CDKN2B-AS1: variants seen among roughly 807,000 people sequenced by gnomAD.
CDKN2B-AS1 encodes CDKN2B antisense RNA 1 (non-protein coding).
intron 4 of CDKN2B-AS1, among the ~76,000 whole-genome samples, chr9:22,058,134 C>T (rs1203108095): frequency 6.6e-6 from 1 of 152,068 alleles, no homozygotes; most frequent in Non-Finnish European, 1.5e-5. Flanking sequence ...GCAGAGGCTA[C>T]AGTGAGCCGA....
chr9:22,126,229 T>C (rs1203990138), intron 4 of CDKN2B-AS1, among the ~76,000 whole-genome samples: 1 of 152,184 alleles, frequency 6.6e-6, no homozygotes, highest in East Asian at 1.9e-4. Context: ...CCAACCTATG[T>C]TTTTCCAGGG....
At chr9:22,011,435 A>G (rs1233588879) in intron 1 of CDKN2B-AS1, among the ~76,000 whole-genome samples, 1 of 152,194 alleles carries the variant, frequency 6.6e-6, no homozygotes, top group Non-Finnish European at 1.5e-5. Flanking sequence ...CCTCTGTGGC[A>G]TGTGTCCATA....
exon 3 of CDKN2B-AS1, chr9:22,049,175 G>A (rs928928327): frequency 1.3e-4 from 20 of 152,084 alleles, no homozygotes; most frequent in African/African-American, 3.9e-4. Context: ...GAAGAAAACC[G>A]GGGAGATCTA....
At chr9:22,056,422 A>T (rs762022957) in intron 4 of CDKN2B-AS1, 1 of 151,872 alleles carries the variant, frequency 6.6e-6, no homozygotes, top group African/African-American at 2.4e-5. Flanking sequence ...GAATAATAGG[A>T]GCAAAAGCAC....
At chr9:22,065,508 AACTGAG>A (rs1161957077) in intron 4 of CDKN2B-AS1, among the ~76,000 whole-genome samples, 4 of 152,226 alleles carry the variant, frequency 2.6e-5, no homozygotes, top group African/African-American at 9.6e-5. Flanking sequence ...TTTGAAATGT[AACTGAG>A]ACTGTACTTG....
chr9:22,127,494 A>G (rs554598023), exon 5 of CDKN2B-AS1, among the ~76,000 whole-genome samples: 131 of 152,336 alleles, frequency 8.6e-4, no homozygotes, highest in African/African-American at 3.1e-3. Context: ...GTGAATTAGA[A>G]CGATAGTGAG....
At chr9:22,036,136 A>C (rs1172640832) in intron 1 of CDKN2B-AS1, among the ~76,000 whole-genome samples, 1 of 152,152 alleles carries the variant, frequency 6.6e-6, no homozygotes. Context: ...TTAGGCTGAT[A>C]CAGGGCAGGG....
At chr9:22,097,108 A>G (rs951029896) in intron 4 of CDKN2B-AS1, 2 of 152,218 alleles carry the variant, frequency 1.3e-5, no homozygotes, top group South Asian at 2.1e-4. Context: ...TCACCAGCCC[A>G]TTCTTAATCT....
rs575391601 is a variant in CDKN2B-AS1, at chr9:22,043,636, A to G, written n.30-3115A>G. 3.3e-5 allele frequency among the ~76,000 whole-genome samples: 5 copies of G among 152,048 alleles called. No individual in the cohort carries two copies. The East Asian group carries it at 9.7e-4, about 29-fold the overall frequency. Reference sequence around the variant, plus strand: ...TACGCTTTATTTCATTGTTTTCCAAACTTTAGTTATTTATGTGCCATCTTC... The same window carrying G: ...TACGCTTTATTTCATTGTTTTCCAAGCTTTAGTTATTTATGTGCCATCTTC... On this transcript the variant is annotated intron_variant and non_coding_transcript_variant, in intron 1 of 4. Coordinates refer to ENST00000650946, the Ensembl canonical transcript of CDKN2B-AS1.
intron 4 of CDKN2B-AS1, among the ~76,000 whole-genome samples, chr9:22,126,307 G>A (rs957536830): frequency 1.3e-5 from 2 of 152,088 alleles, no homozygotes. Context: ...TGTGATAGTC[G>A]TTTCCTCTGG....
chr9:22,088,528 A>G (rs1824944330), intron 4 of CDKN2B-AS1, among the ~76,000 whole-genome samples: 1 of 152,134 alleles, frequency 6.6e-6, no homozygotes, highest in Admixed American at 6.5e-5. Context: ...CATTCTGTAT[A>G]TTTTACATGT....
chr9:22,037,780 T>C (rs945054080), intron 1 of CDKN2B-AS1, among the ~76,000 whole-genome samples: 1 of 152,044 alleles, frequency 6.6e-6, no homozygotes, highest in Admixed American at 6.6e-5. Flanking sequence ...TTTGGATTAA[T>C]TTACCTCATT....
chr9:22,003,889 A>ATTT lies in CDKN2B-AS1; in HGVS notation n.29+8728_29+8729insTTT, dbSNP rs1357103501. The ATTT allele has an allele frequency of 6.0e-5, 14 of 231,706 alleles. No individual in the cohort carries two copies. The East Asian group carries it at 7.6e-4, about 13-fold the overall frequency. The allele number at this position is 231,706 out of a possible 1,614,324, so 14.4% of individuals were successfully genotyped here. ...CATTGTGTATTTCTGCTTTTTTTTA[A>ATTT]AAAAAGTTATCTTCATGTGTATCAT... On this transcript the variant is annotated intron_variant and non_coding_transcript_variant, in intron 1 of 4. Transcript: ENST00000650946.
intron 4 of CDKN2B-AS1, among the ~76,000 whole-genome samples, chr9:22,075,374 A>C (rs1824455181): frequency 6.6e-6 from 1 of 152,080 alleles, no homozygotes; most frequent in African/African-American, 2.4e-5. Context: ...GGTGATGAAT[A>C]TGAAAGAAAG....
intron 1 of CDKN2B-AS1, chr9:22,008,836 G>C (rs762444993): frequency 1.2e-6 from 2 of 1,609,034 alleles, no homozygotes; most frequent in South Asian, 2.2e-5. Flanking sequence ...ACTCCGTTGG[G>C]ATCCGCGCCG....
chr9:22,011,311 G>A (rs1821496526), intron 1 of CDKN2B-AS1, among the ~76,000 whole-genome samples: 1 of 152,164 alleles, frequency 6.6e-6, no homozygotes, highest in African/African-American at 2.4e-5. Context: ...AATATTCTCT[G>A]TATAAAGAAT....
At chr9:22,008,847 G>C (rs1821335183) in intron 1 of CDKN2B-AS1, 1 of 1,609,968 alleles carries the variant, frequency 6.2e-7, no homozygotes, top group Admixed American at 1.7e-5. Flanking sequence ...ATCCGCGCCG[G>C]CTTCCAGGAG....
At chr9:22,038,321 A>G (rs1391396263) in intron 1 of CDKN2B-AS1, among the ~76,000 whole-genome samples, 1 of 151,902 alleles carries the variant, frequency 6.6e-6, no homozygotes, top group African/African-American at 2.4e-5. Context: ...CAATTTCTTT[A>G]GTATAATTCA....
chr9:22,015,353 T>G (rs1031481524), intron 1 of CDKN2B-AS1, among the ~76,000 whole-genome samples: 2 of 152,076 alleles, frequency 1.3e-5, no homozygotes, highest in African/African-American at 4.8e-5. Context: ...CTTTAGTCAG[T>G]TCTACACTGT....
Sources: allele counts gnomAD v4.1 joint callset (sites outside exome capture counted in the v4.1 genomes callset), GRCh38; gene constraint gnomAD v4.1.1; transcripts MANE v1.5; gene names NCBI Gene and HGNC (gene_info 2026-07-23, HGNC 2026-07-21).